PCDHA2: variants seen among roughly 807,000 people sequenced by gnomAD.
PCDHA2 encodes the protein protocadherin alpha 2, also known as protocadherin alpha-2.
In PCDHA2, 58 loss-of-function variants were observed where a neutral mutation model predicts 66.0. The observed-to-expected ratio is 0.88, with a 90% confidence interval of 0.71 to 1.09. The LOEUF is 1.09. PCDHA2 is among the 50% of genes least tolerant of loss of function. The pLI is 0.00. For missense variants in PCDHA2, 1,267 were observed against 1,242.3 expected, an observed-to-expected ratio of 1.02 and a Z score of -0.30; for synonymous variants, 634 against 554.0, an observed-to-expected ratio of 1.14 and a Z score of -2.03.
At chr5:140,970,247 C>T (rs551216649) in intron 1 of PCDHA2, among the ~76,000 whole-genome samples, 1 of 152,290 alleles carries the variant, frequency 6.6e-6, no homozygotes, top group East Asian at 1.9e-4. Context: ...TTTCTGTTGA[C>T]AGTTTCTATG....
At chr5:140,976,518 A>G (rs2096720750) in intron 1 of PCDHA2, among the ~76,000 whole-genome samples, 1 of 152,070 alleles carries the variant, frequency 6.6e-6, no homozygotes, top group Admixed American at 6.6e-5. Flanking sequence ...GCCACTGCAC[A>G]CCAGCCTAAA....
chr5:140,841,449 C>T (rs2150315739), intron 1 of PCDHA2: 8 of 1,612,922 alleles, frequency 5.0e-6, no homozygotes, highest in South Asian at 1.1e-5. Context: ...AAACACGGCA[C>T]CTTCGTGGGC....
rs147430561 is a variant in PCDHA2, at chr5:140,928,238, A to G, written c.2389-50711A>G. 4.7e-4 allele frequency: 756 copies of G among 1,614,188 alleles called. 4 individuals carry two copies. The African/African-American group carries it at 9.0e-3, about 19-fold the overall frequency. Reference sequence around the variant, plus strand: ...AATACACCAAACTTTCCTCAACCCCAGCAGGAACTTTTCGTTGCTGAAAAC... The same window carrying G: ...AATACACCAAACTTTCCTCAACCCCGGCAGGAACTTTTCGTTGCTGAAAAC... On this transcript the variant is annotated intron_variant, in intron 1 of 3. Coordinates refer to ENST00000526136, the MANE Select transcript of PCDHA2 (RefSeq NM_018905.3).
intron 1 of PCDHA2, chr5:140,823,059 C>T (rs2150121787): frequency 6.2e-7 from 1 of 1,614,128 alleles, no homozygotes; most frequent in Non-Finnish European, 8.5e-7. Context: ...CCGCGCGGGA[C>T]GGGGGCTCGC....
At chr5:140,867,891 G>A (rs1468636250) in intron 1 of PCDHA2, 1 of 152,016 alleles carries the variant, frequency 6.6e-6, no homozygotes, top group Non-Finnish European at 1.5e-5. Flanking sequence ...CACAATATCA[G>A]GTACTTACAG....
intron 1 of PCDHA2, chr5:140,870,384 G>A: frequency 6.2e-7 from 1 of 1,614,230 alleles, no homozygotes; most frequent in African/African-American, 1.3e-5. Context: ...TGACTGCGCG[G>A]GATGGGGGTT....
rs2150169954 is a variant in PCDHA2 at position 140,829,555 on chromosome 5, G to T, written c.2388+32203G>T. 1.3e-5 allele frequency: 21 copies of T among 1,612,718 alleles called. 1 individual carries two copies. The highest frequency in any genetic ancestry group is 1.7e-5 in the Non-Finnish European group (20 of 1,179,842). ...GAGACGCGGACGCGCAGGAGAACGC[G>T]CTGGTGTCCTACTCGCTGGTGGAGC... On this transcript the variant is annotated intron_variant, in intron 1 of 3. Transcript: ENST00000526136.
intron 3 of PCDHA2, among the ~76,000 whole-genome samples, chr5:140,983,234 G>C (rs1021819523): frequency 6.6e-6 from 1 of 152,196 alleles, no homozygotes; most frequent in Non-Finnish European, 1.5e-5. Context: ...TTTCAGGAAA[G>C]AGAACCTGCT....
chr5:140,908,587 T>G (rs186345728), intron 1 of PCDHA2, among the ~76,000 whole-genome samples: 3 of 152,298 alleles, frequency 2.0e-5, no homozygotes, highest in East Asian at 3.9e-4. Context: ...AGTAGTTAGC[T>G]GCAGAAGATG....
In PCDHA2 at chr5:140,822,543, T is replaced by A; in HGVS notation, c.2388+25191T>A. Reference sequence around the variant, plus strand: ...TCAGATTGTTGGAAAATGCACCAAGTGGGACATTAGTTATTAAACTGAACG... The same window carrying A: ...TCAGATTGTTGGAAAATGCACCAAGAGGGACATTAGTTATTAAACTGAACG... On this transcript the variant is annotated intron_variant, in intron 1 of 3. Coordinates refer to ENST00000526136, the MANE Select transcript of PCDHA2 (RefSeq NM_018905.3). 6.2e-7 allele frequency: 1 copy of A among 1,613,924 alleles called. No homozygotes were observed. Among genetic ancestry groups the A allele is most frequent in the South Asian group, 1.1e-5 (1 of 91,086 alleles).
intron 1 of PCDHA2, chr5:140,806,985 C>G: frequency 1.5e-6 from 1 of 647,568 alleles, no homozygotes; most frequent in Non-Finnish European, 2.6e-6. Context: ...GGTTTGGAGC[C>G]ACATGATGTC....
intron 1 of PCDHA2, chr5:140,823,494 C>T (rs782300400): frequency 1.9e-6 from 3 of 1,613,266 alleles, no homozygotes; most frequent in Non-Finnish European, 2.5e-6. Flanking sequence ...GTGGCACCGG[C>T]GGCGCAGTGA....
intron 1 of PCDHA2, chr5:140,836,269 G>T: frequency 1.2e-6 from 2 of 1,613,790 alleles, no homozygotes; most frequent in Non-Finnish European, 1.7e-6. Flanking sequence ...CTGTACACTG[G>T]TGAGATCAGC....
At chr5:140,985,128 G>A (rs908196925) in intron 3 of PCDHA2, among the ~76,000 whole-genome samples, 3 of 152,056 alleles carry the variant, frequency 2.0e-5, no homozygotes, top group Admixed American at 6.6e-5. Flanking sequence ...TAGTAAAGAC[G>A]GGGTTTCACC....
chr5:140,921,017 T>C (rs2153559418), intron 1 of PCDHA2, among the ~76,000 whole-genome samples: 1 of 152,192 alleles, frequency 6.6e-6, no homozygotes, highest in African/African-American at 2.4e-5. Context: ...TCTTGCTATG[T>C]TTTCTAGACT....
chr5:140,834,187 T>TC, intron 1 of PCDHA2: 1 of 577,002 alleles, frequency 1.7e-6, no homozygotes, highest in South Asian at 2.5e-5. Context: ...CCACATGATG[T>TC]CGCTCTTTAC....
chr5:140,862,633 G>C, intron 1 of PCDHA2: 5 of 537,306 alleles, frequency 9.3e-6, no homozygotes, highest in Non-Finnish European at 1.9e-5. Context: ...GGGCTGCCAC[G>C]ACTTCACAGT....
intron 1 of PCDHA2, among the ~76,000 whole-genome samples, chr5:140,893,362 C>T (rs782554595): frequency 6.6e-5 from 10 of 152,110 alleles, no homozygotes; most frequent in African/African-American, 9.7e-5. Flanking sequence ...TACATGCCCA[C>T]CAACAGCATT....
At chr5:140,830,405 T>C (rs1771047305) in intron 1 of PCDHA2, 3 of 1,614,172 alleles carry the variant, frequency 1.9e-6, no homozygotes, top group Non-Finnish European at 2.5e-6. Context: ...TCTCATGGCC[T>C]TTAGCCCCAG....
Sources: allele counts gnomAD v4.1 joint callset (sites outside exome capture counted in the v4.1 genomes callset), GRCh38; gene constraint gnomAD v4.1.1; transcripts MANE v1.5; gene names NCBI Gene and HGNC (gene_info 2026-07-23, HGNC 2026-07-21).